STAM2: variants seen among roughly 807,000 people sequenced by gnomAD.
STAM2 encodes signal transducing adaptor molecule 2.
STAM2 carries 51 observed loss-of-function variants against 65.6 expected under a neutral mutation model. That is an observed-to-expected ratio of 0.78 (90% CI 0.62 to 0.98). STAM2 has a LOEUF of 0.98. Among genes scored for constraint, STAM2 ranks in the 50% least tolerant of loss-of-function variants. The pLI is 0.00. For missense variants in STAM2, 584 were observed against 617.8 expected (o/e 0.95, Z 0.58); for synonymous variants, 198 against 208.4 (o/e 0.95, Z 0.43).
At chr2:152,124,478 A>G (rs1267710532) in intron 12 of STAM2, 2 of 152,458 alleles carry the variant, frequency 1.3e-5, no homozygotes, top group South Asian at 4.1e-4. Flanking sequence ...AAAAGTAAAG[A>G]AGAGTTATGG....
At chr2:152,148,357 A>G (rs1689375841) in intron 2 of STAM2, 57 bp from the exon 3 acceptor site, 2 of 1,341,520 alleles carry the variant, frequency 1.5e-6, no homozygotes, top group African/African-American at 1.5e-5. Flanking sequence ...ATTTAATTCA[A>G]ACATTAAGGT....
chr2:152,157,280 G>C (rs767710402), intron 1 of STAM2, among the ~76,000 whole-genome samples: 34 of 152,208 alleles, frequency 2.2e-4, no homozygotes, highest in Middle Eastern at 3.2e-3. Flanking sequence ...GGGCTGAAAG[G>C]TCAAGCAGCA....
Position 152,150,135 on chromosome 2 carries a change from G to C in STAM2, c.125+10C>G. On this transcript the variant is annotated intron_variant, in intron 2 of 13. Transcript: ENST00000263904. Reference sequence around the variant, plus strand: ...CCTAGACATTCACTGAGCATGACTGGACATCTTACCCATTAGGAGTACTTC... The same window carrying C: ...CCTAGACATTCACTGAGCATGACTGCACATCTTACCCATTAGGAGTACTTC... 2.5e-6 allele frequency: 4 copies of C among 1,579,436 alleles called. No homozygotes were observed. Among genetic ancestry groups the C allele is most frequent in the Non-Finnish European group, 3.5e-6 (4 of 1,149,258 alleles).
chr2:152,130,496 C>T (rs1288108872), intron 11 of STAM2, among the ~76,000 whole-genome samples: 1 of 151,872 alleles, frequency 6.6e-6, no homozygotes, highest in Non-Finnish European at 1.5e-5. Context: ...CATGATCCAC[C>T]CGCCTCGGCC....
chr2:152,122,104 G>GTGTA (rs1446881447), intron 13 of STAM2, among the ~76,000 whole-genome samples: 62 of 148,054 alleles, frequency 4.2e-4, no homozygotes, highest in African/African-American at 1.4e-3. Context: ...GTGTGTGTGT[G>GTGTA]TATACACATA....
At chr2:152,159,695 A>G (rs1270775983) in intron 1 of STAM2, among the ~76,000 whole-genome samples, 1 of 152,060 alleles carries the variant, frequency 6.6e-6, no homozygotes, top group African/African-American at 2.4e-5. Context: ...CTCGTTTTTA[A>G]AAGAACAGGA....
intron 7 of STAM2, among the ~76,000 whole-genome samples, chr2:152,142,343 G>C (rs1689263942): frequency 6.6e-6 from 1 of 152,144 alleles, no homozygotes; most frequent in Non-Finnish European, 1.5e-5. Flanking sequence ...TAAAATCTTA[G>C]ACAAAACCAC....
chr2:152,121,183 A>G (rs1442006878), intron 13 of STAM2, among the ~76,000 whole-genome samples: 4 of 152,216 alleles, frequency 2.6e-5, no homozygotes, highest in African/African-American at 9.6e-5. Context: ...TATGTTGCCC[A>G]GGATGGTCTC....
At chr2:152,121,037 C>G (rs943181898) in intron 13 of STAM2, among the ~76,000 whole-genome samples, 1 of 152,028 alleles carries the variant, frequency 6.6e-6, no homozygotes, top group Non-Finnish European at 1.5e-5. Flanking sequence ...GATCATAGCT[C>G]ACTGCATTCT....
chr2:152,135,651 C>T, intron 7 of STAM2, 48 bp from the exon 8 acceptor site: 1 of 1,233,902 alleles, frequency 8.1e-7, no homozygotes, highest in Non-Finnish European at 1.2e-6. Flanking sequence ...CATTTTAATA[C>T]AATAAGCAAA....
chr2:152,127,310 G>A (rs746505083), intron 11 of STAM2, among the ~76,000 whole-genome samples: 4 of 152,016 alleles, frequency 2.6e-5, no homozygotes, highest in Non-Finnish European at 5.9e-5. Flanking sequence ...ATAATATTAG[G>A]GAAAAGTCCT....
intron 11 of STAM2, among the ~76,000 whole-genome samples, chr2:152,129,737 A>AT (rs1310095281): frequency 6.6e-6 from 1 of 152,234 alleles, no homozygotes; most frequent in African/African-American, 2.4e-5. Flanking sequence ...CACATCTATC[A>AT]TAATACTTTT....
At chr2:152,132,232 T>A in intron 10 of STAM2, 64 bp from the exon 11 acceptor site, 2 of 1,253,130 alleles carry the variant, frequency 1.6e-6, no homozygotes, top group Non-Finnish European at 2.3e-6. Flanking sequence ...TTTCAACAAT[T>A]TTTAACAATA....
chr2:152,121,920 C>T (rs979963246), intron 13 of STAM2, among the ~76,000 whole-genome samples: 37 of 151,852 alleles, frequency 2.4e-4, no homozygotes, highest in African/African-American at 7.7e-4. Context: ...TGGTGGCACG[C>T]GCCTGTAGTC....
chr2:152,165,589 G>C (rs1291929176), intron 1 of STAM2, among the ~76,000 whole-genome samples: 2 of 152,180 alleles, frequency 1.3e-5, no homozygotes, highest in African/African-American at 2.4e-5. Flanking sequence ...TCAGGCTTCA[G>C]GGGGGTGGCG....
chr2:152,145,135 G>T (rs1689314683), intron 5 of STAM2, among the ~76,000 whole-genome samples, 178 bp from the exon 6 acceptor site: 1 of 152,162 alleles, frequency 6.6e-6, no homozygotes, highest in Non-Finnish European at 1.5e-5. Flanking sequence ...GCATGGCACA[G>T]TCATAGCTCA....
At chr2:152,136,404 C>A (rs1689155620) in intron 7 of STAM2, among the ~76,000 whole-genome samples, 1 of 151,972 alleles carries the variant, frequency 6.6e-6, no homozygotes, top group Admixed American at 6.6e-5. Context: ...AATCACGTCA[C>A]TGCACTCCAG....
At chr2:152,145,208 C>G (rs1443803255) in intron 5 of STAM2, among the ~76,000 whole-genome samples, 1 of 152,066 alleles carries the variant, frequency 6.6e-6, no homozygotes, top group Non-Finnish European at 1.5e-5. Flanking sequence ...GAAGCCGGAA[C>G]TAGAGGTGTA....
intron 1 of STAM2, among the ~76,000 whole-genome samples, chr2:152,171,598 G>T (rs1339886536): frequency 2.6e-5 from 4 of 152,190 alleles, no homozygotes; most frequent in African/African-American, 9.7e-5. Flanking sequence ...GCATTTCACT[G>T]GAGAAAGTCC....
Sources: allele counts gnomAD v4.1 joint callset (sites outside exome capture counted in the v4.1 genomes callset), GRCh38; gene constraint gnomAD v4.1.1; transcripts MANE v1.5; gene names NCBI Gene and HGNC (gene_info 2026-07-23, HGNC 2026-07-21).